The following C19orf53 variants were observed in gnomAD, a reference collection of about 807,000 sequenced individuals.
The protein encoded by C19orf53 is leydig cell tumor 10 kDa protein homolog.
A neutral mutation model predicts 6.5 loss-of-function variants in C19orf53; 9 were observed. That is an observed-to-expected ratio of 1.38 (90% CI 0.83 to 2.40). The LOEUF (loss-of-function observed/expected upper bound fraction) is 2.40, where lower values mean the gene tolerates loss of function less well. Ranked by LOEUF, C19orf53 falls within the 30% of genes most tolerant of loss-of-function variation. The pLI is 0.00. For missense variants in C19orf53, 166 were observed against 129.7 expected (o/e 1.28, Z -1.36); for synonymous variants, 68 against 52.5 (o/e 1.29, Z -1.27).
intron 2 of C19orf53, chr19:13,774,950 G>A (rs1288251262): frequency 1.7e-6 from 1 of 577,098 alleles, no homozygotes; most frequent in African/African-American, 1.9e-5. Context: ...GGACGTGCTA[G>A]GGACGAGAGA....
intron 2 of C19orf53, among the ~76,000 whole-genome samples, chr19:13,776,664 T>C (rs1280548289): frequency 1.3e-5 from 2 of 152,304 alleles, no homozygotes; most frequent in East Asian, 1.9e-4. Flanking sequence ...ACTTTTGCAC[T>C]GGCTGTTTCC....
intron 2 of C19orf53, among the ~76,000 whole-genome samples, chr19:13,776,769 C>A (rs376731851): frequency 3.3e-5 from 5 of 152,272 alleles, no homozygotes; most frequent in Non-Finnish European, 5.9e-5. Flanking sequence ...ACCCATCCCT[C>A]CTCACTCCTG....
intron 2 of C19orf53, among the ~76,000 whole-genome samples, chr19:13,776,124 A>ATTTTTTT (rs57201742): frequency 3.5e-5 from 3 of 84,920 alleles, no homozygotes; most frequent in Non-Finnish European, 6.7e-5. Context: ...CACCGGGCTA[A>ATTTTTTT]TTTTTTTTTT....
In C19orf53 at chr19:13,778,288, AG is replaced by A; in HGVS notation, c.*92del. On this transcript the variant is annotated 3_prime_UTR_variant, in exon 3 of 3. Transcript: ENST00000588234. ...TCCCACAGGCTGCACTGTCAGGAAG[AG>A]GACCCTGTCCCCCAGCACTGGGCTT... 7.0e-7 allele frequency: 1 copy of A among 1,420,910 alleles called. No individual in the cohort carries two copies. The highest frequency in any genetic ancestry group is 9.3e-7 in the Non-Finnish European group (1 of 1,075,682). 88.0% of individuals were successfully genotyped at this position (1,420,910 alleles called of 1,614,324 possible). A position where few individuals can be genotyped will look rare whatever the true frequency, so the allele number is the denominator to read the frequency against.
chr19:13,775,760 G>A (rs1437060135), intron 2 of C19orf53: 1 of 152,178 alleles, frequency 6.6e-6, no homozygotes, highest in Non-Finnish European at 1.5e-5. Context: ...GGTTTTCTCA[G>A]AACTGGGTAC....
chr19:13,774,701 CAAG>C lies in C19orf53; in HGVS notation c.151_153del (p.Lys51del), dbSNP rs1157325817. 21 of 1,605,800 alleles carry C rather than the reference CAAG, an allele frequency of 1.3e-5. No homozygotes were observed. The highest frequency in any genetic ancestry group is 1.7e-5 in the Admixed American group (1 of 59,692). ...CGCGCGTCGTGCAGCAGCAAAAGCT[CAAG>C]AAGGTGTGCGGGGGCGAGAGATGGA... On this transcript the variant is annotated inframe_deletion, in exon 2 of 3. Transcript: ENST00000588234.
Position 13,778,438 on chromosome 19 carries a change from A to T in C19orf53, c.*240A>T, listed in dbSNP as rs974635876. 1.5e-5 allele frequency: 6 copies of T among 406,800 alleles called. No homozygotes were observed. The highest frequency in any genetic ancestry group is 2.6e-5 in the Non-Finnish European group (6 of 231,684). 25.2% of individuals were successfully genotyped at this position (406,800 alleles called of 1,614,324 possible). Reference sequence around the variant, plus strand: ...TCCTGCCTCCACAGGTTTAACCCAGAACAATAAACCTGGCTTTGTCATCCC... The same window carrying T: ...TCCTGCCTCCACAGGTTTAACCCAGTACAATAAACCTGGCTTTGTCATCCC... On this transcript the variant is annotated 3_prime_UTR_variant, in exon 3 of 3. Coordinates refer to ENST00000588234, the MANE Select transcript of C19orf53 (RefSeq NM_014047.3).
At chr19:13,774,930 A>G in intron 2 of C19orf53, 1 of 615,064 alleles carries the variant, frequency 1.6e-6, no homozygotes. Flanking sequence ...GGCGAGGGAT[A>G]GGGGCTGGGG....
Position 13,774,676 on chromosome 19 carries a change from C to T in C19orf53, c.122C>T (p.Ala41Val), listed in dbSNP as rs746221045. The change falls in exon 2 of 3, where the codon GCG becomes GTG. Residue 41 changes from alanine to valine, a missense_variant. Coordinates refer to ENST00000588234, the MANE Select transcript of C19orf53 (RefSeq NM_014047.3). Reference sequence around the variant, plus strand: ...GGTCGTGTTATCGCTCCCAAGAAGGCGCGCGTCGTGCAGCAGCAAAAGCTC... The same window carrying T: ...GGTCGTGTTATCGCTCCCAAGAAGGTGCGCGTCGTGCAGCAGCAAAAGCTC... The part of the protein sequence containing the change: ...KGGRVIAPKK[A>V]RVVQQQKLKK... The T allele has an allele frequency of 3.1e-6, 5 of 1,608,974 alleles. No homozygotes were observed. Among genetic ancestry groups the T allele is most frequent in the African/African-American group, 1.3e-5 (1 of 74,956 alleles).
In C19orf53 at chr19:13,774,639, C is replaced by A; in HGVS notation, c.98-13C>A. On this transcript the variant is annotated splice_polypyrimidine_tract_variant and intron_variant, in intron 1 of 2. Transcript: ENST00000588234. ...CCGGCTTCCCGGCCTCACGTGAGCA[C>A]ATCTTTCCCCAGGTCGTGTTATCGC... The A allele has an allele frequency of 6.2e-7, 1 of 1,611,790 alleles. No homozygotes were observed. Among genetic ancestry groups the A allele is most frequent in the Non-Finnish European group, 8.5e-7 (1 of 1,178,052 alleles).
At position 13,776,151 on chromosome 19, in the gene C19orf53, T is replaced by G. The variant is rs992118610; in HGVS notation, c.153+1444T>G. 1.2e-3 allele frequency among the ~76,000 whole-genome samples: 130 copies of G among 110,178 alleles called. 1 individual carries two copies. The highest frequency in any genetic ancestry group is 5.0e-3 in the African/African-American group (125 of 24,874). 72.3% of individuals were successfully genotyped at this position (110,178 alleles called of 152,430 possible). A position where few individuals can be genotyped will look rare whatever the true frequency, so the allele number is the denominator to read the frequency against. On this transcript the variant is annotated intron_variant, in intron 2 of 2. Transcript: ENST00000588234. Reference sequence around the variant, plus strand: ...TTTTTTTTTTTTTTTTTTTTTTTTTTGTAATTTTAGTAGAGATGGGGTTTC... The same window carrying G: ...TTTTTTTTTTTTTTTTTTTTTTTTTGGTAATTTTAGTAGAGATGGGGTTTC...
At chr19:13,776,829 T>G (rs35256301) in intron 2 of C19orf53, among the ~76,000 whole-genome samples, 1 of 152,118 alleles carries the variant, frequency 6.6e-6, no homozygotes, top group Non-Finnish European at 1.5e-5. Flanking sequence ...GTGTAACATA[T>G]TACGCTACTG....
intron 2 of C19orf53, among the ~76,000 whole-genome samples, chr19:13,777,249 CTTT>C (rs57598587): frequency 6.7e-6 from 1 of 148,222 alleles, no homozygotes; most frequent in African/African-American, 2.5e-5. Flanking sequence ...CCAGCCGGAA[CTTT>C]TTTTTTTTTC....
intron 2 of C19orf53, 25 bp downstream of exon 2, chr19:13,774,732 C>T: frequency 1.3e-6 from 2 of 1,582,216 alleles, no homozygotes; most frequent in East Asian, 4.5e-5. Flanking sequence ...GAGATGGAGC[C>T]CGGAGGGCGG....
intron 2 of C19orf53, among the ~76,000 whole-genome samples, chr19:13,775,096 C>T (rs1599562352): frequency 6.6e-6 from 1 of 152,150 alleles, no homozygotes; most frequent in Non-Finnish European, 1.5e-5. Context: ...CTTACCACTT[C>T]AAAAGGGCCT....
intron 2 of C19orf53, 55 bp downstream of exon 2, chr19:13,774,762 C>G: frequency 6.4e-7 from 1 of 1,556,066 alleles, no homozygotes; most frequent in Non-Finnish European, 8.7e-7. Flanking sequence ...AGGGGTGGAA[C>G]CCGGAGGACG....
At position 13,778,456 on chromosome 19, in the gene C19orf53, G is replaced by A. The variant is rs1974392136; in HGVS notation, c.*258G>A. ...AACCCAGAACAATAAACCTGGCTTT[G>A]TCATCCCTCTTGCAGTCCTGTGTTC... On this transcript the variant is annotated 3_prime_UTR_variant, in exon 3 of 3. Transcript: ENST00000588234. The A allele has an allele frequency of 5.8e-6, 2 of 344,976 alleles. No homozygotes were observed. Among genetic ancestry groups the A allele is most frequent in the Non-Finnish European group, 1.0e-5 (2 of 191,456 alleles). The allele number at this position is 344,976 out of a possible 1,614,324, so 21.4% of individuals were successfully genotyped here.
chr19:13,776,379 A>G (rs925308952), intron 2 of C19orf53, among the ~76,000 whole-genome samples: 2 of 151,652 alleles, frequency 1.3e-5, no homozygotes, highest in Admixed American at 1.3e-4. Context: ...CAGTGCAGCC[A>G]CCTTCTCCCT....
At chr19:13,776,181 T>C (rs1974369991) in intron 2 of C19orf53, among the ~76,000 whole-genome samples, 1 of 146,650 alleles carries the variant, frequency 6.8e-6, no homozygotes, top group Admixed American at 7.0e-5. Flanking sequence ...GGTTTCACTA[T>C]GTTGGCCAGG....
Sources: gnomAD v4.1 joint callset for allele counts (sites outside exome capture counted in the v4.1 genomes callset) on GRCh38, gnomAD v4.1.1 for gene constraint, MANE v1.5 for transcripts, NCBI Gene and HGNC (gene_info 2026-07-23, HGNC 2026-07-21) for gene names.